NEK5: variants seen among roughly 807,000 people sequenced by gnomAD.
NEK5 encodes the protein NIMA related kinase 5, also known as serine/threonine-protein kinase Nek5.
Under a neutral mutation model 109.2 loss-of-function variants are expected in NEK5, and 88 were observed. The ratio of observed to expected loss-of-function variants is 0.81; its 90% confidence interval spans 0.68 to 0.96. The LOEUF is 0.96. Among genes scored for constraint, NEK5 ranks in the 40% least tolerant of loss-of-function variants. The probability of loss-of-function intolerance (pLI) is 0.00; values close to 1 mark genes in which losing one functional copy is unlikely to be tolerated. For missense variants in NEK5, 834 were observed against 920.7 expected (o/e 0.91, Z 1.22); for synonymous variants, 283 against 299.9 (o/e 0.94, Z 0.58).
In NEK5 at chr13:52,034,946, A is replaced by C. The variant is rs374818104; in HGVS notation, c.*2002T>G. The stretch of plus-strand genomic sequence containing the variant: ...TGGATGTTTGAGGTTATTAGGGATC[A>C]TGTTTCATTTCCCTTGCTTTCAAAT... On this transcript the variant is annotated 3_prime_UTR_variant, in exon 24 of 24. Coordinates refer to ENST00000684899, the MANE Select transcript of NEK5 (RefSeq NM_001365552.1). 48 of 135,062 alleles carry C rather than the reference A, an allele frequency of 3.6e-4. No individual in the cohort carries two copies. The highest frequency in any genetic ancestry group is 1.3e-3 in the African/African-American group (47 of 36,270). 8.4% of individuals were successfully genotyped at this position (135,062 alleles called of 1,614,324 possible). A position where few individuals can be genotyped will look rare whatever the true frequency, so the allele number is the denominator to read the frequency against.
chr13:52,110,645 A>G, intron 5 of NEK5, 68 bp from the exon 6 acceptor site: 1 of 854,186 alleles, frequency 1.2e-6, no homozygotes. Flanking sequence ...TCATGGTAAC[A>G]TGCAAAAAGA....
intron 9 of NEK5, among the ~76,000 whole-genome samples, chr13:52,102,922 C>T (rs1489794201): frequency 6.6e-6 from 1 of 152,152 alleles, no homozygotes; most frequent in Non-Finnish European, 1.5e-5. Flanking sequence ...TTTTACCACT[C>T]AGAGGTATAG....
At chr13:52,066,014 A>G (rs1593929794) in intron 20 of NEK5, among the ~76,000 whole-genome samples, 1 of 36,128 alleles carries the variant, frequency 2.8e-5, no homozygotes, top group Non-Finnish European at 1.4e-4. Context: ...TAGGTAGAAG[A>G]AAAAAAAAAA....
At chr13:52,069,500 C>T in intron 20 of NEK5, among the ~76,000 whole-genome samples, 1 of 152,196 alleles carries the variant, frequency 6.6e-6, no homozygotes, top group East Asian at 1.9e-4. Context: ...ATATCTTTAT[C>T]CCTGATATGC....
At position 52,105,244 on chromosome 13, in the gene NEK5, T is replaced by A. The variant is rs907927867; in HGVS notation, c.555-692A>T. On this transcript the variant is annotated intron_variant, in intron 8 of 23. Transcript: ENST00000684899. The stretch of plus-strand genomic sequence containing the variant: ...CAGCAATGCTTTGTGCATGAGTGTG[T>A]GTGTGTGTGTGTGTGTGTGTGTGTG... Among the ~76,000 whole-genome samples the A allele has an allele frequency of 3.1e-3, 401 of 129,936 alleles. 1 individual carries two copies. Among genetic ancestry groups the A allele is most frequent in the East Asian group, 0.016 (68 of 4,346 alleles). 85.2% of individuals were successfully genotyped at this position (129,936 alleles called of 152,430 possible). A position where few individuals can be genotyped will look rare whatever the true frequency, so the allele number is the denominator to read the frequency against.
intron 7 of NEK5, 51 bp downstream of exon 7, chr13:52,110,289 C>A: frequency 8.7e-7 from 1 of 1,146,210 alleles, no homozygotes; most frequent in South Asian, 1.3e-5. Context: ...TCTAAAAATA[C>A]ATATTTGGGC....
At chr13:52,084,754 AGAGAGAGAGTGT>A (rs1381912964) in intron 16 of NEK5, among the ~76,000 whole-genome samples, 42 of 51,534 alleles carry the variant, frequency 8.1e-4, no homozygotes, top group South Asian at 1.8e-3. Context: ...AGAGAGAGAG[AGAGAGAGAGTGT>A]GTGTGTGTGT....
chr13:52,116,555 G>T (rs1346459986), intron 4 of NEK5, among the ~76,000 whole-genome samples: 1 of 152,198 alleles, frequency 6.6e-6, no homozygotes, highest in Admixed American at 6.5e-5. Context: ...ATGAGCCACA[G>T]ATAACAGTCC....
chr13:52,071,878 C>T, intron 20 of NEK5, 66 bp downstream of exon 20: 1 of 1,438,636 alleles, frequency 7.0e-7, no homozygotes, highest in Non-Finnish European at 9.8e-7. Flanking sequence ...TGCATGGGGA[C>T]AGAGTTCAAA....
chr13:52,069,382 T>C (rs1315421206), intron 20 of NEK5, among the ~76,000 whole-genome samples: 1 of 152,202 alleles, frequency 6.6e-6, no homozygotes, highest in Admixed American at 6.5e-5. Flanking sequence ...TATATAGTGG[T>C]AGGGTTATGT....
intron 15 of NEK5, 146 bp downstream of exon 15, chr13:52,087,189 ATAC>A (rs1955164322): frequency 2.2e-6 from 1 of 451,712 alleles, no homozygotes; most frequent in Non-Finnish European, 4.0e-6. Flanking sequence ...AGAAAGTGAA[ATAC>A]CTAACTCTGT....
intron 8 of NEK5, among the ~76,000 whole-genome samples, chr13:52,107,408 T>A (rs993301053): frequency 1.3e-5 from 2 of 151,882 alleles, no homozygotes; most frequent in Admixed American, 1.3e-4. Context: ...CTGGACAACA[T>A]GGTGAAACTC....
At chr13:52,063,466 T>G (rs1268768312) in intron 21 of NEK5, among the ~76,000 whole-genome samples, 1 of 152,066 alleles carries the variant, frequency 6.6e-6, no homozygotes. Context: ...CCCAAAGTGC[T>G]GAGATTGCAG....
chr13:52,053,648 CAACCCAGA>C (rs1453533582), intron 22 of NEK5, among the ~76,000 whole-genome samples: 2 of 152,164 alleles, frequency 1.3e-5, no homozygotes, highest in Non-Finnish European at 2.9e-5. Context: ...AGCTAATTTA[CAACCCAGA>C]CAAGCCCGAG....
At chr13:52,067,820 T>C (rs1359755983) in intron 20 of NEK5, among the ~76,000 whole-genome samples, 3 of 151,890 alleles carry the variant, frequency 2.0e-5, no homozygotes, top group African/African-American at 7.3e-5. Context: ...GCCTCCCAAG[T>C]AGCTGAGATT....
chr13:52,108,350 C>A lies in NEK5; in HGVS notation c.522G>T (p.Glu174Asp). Residue 174 changes from glutamate to aspartate, a missense_variant, in exon 8 of 24, where the codon GAG (glutamate) becomes GAT (aspartate). Glu to Asp is a conservative substitution (Grantham distance 45, BLOSUM62 2). Around this residue, in one of 2 missense-constraint regions of NEK5, gnomAD observed 777 missense variants for 824.7 expected, o/e 0.94. Coordinates refer to ENST00000684899, the MANE Select transcript of NEK5 (RefSeq NM_001365552.1). ...CIGTPYYLSP[E>D]ICQNKPYNNK... ...TGTTGTAGGGTTTATTCTGACAGAT[C>A]TCTGGGGACAGGTAGTAAGGTGTTC... 1 of 1,611,850 alleles carries A rather than the reference C, an allele frequency of 6.2e-7. No individual in the cohort carries two copies. The highest frequency in any genetic ancestry group is 8.5e-7 in the Non-Finnish European group (1 of 1,178,468).
intron 12 of NEK5, among the ~76,000 whole-genome samples, chr13:52,096,692 A>G (rs1471303182): frequency 6.6e-6 from 1 of 152,220 alleles, no homozygotes; most frequent in Non-Finnish European, 1.5e-5. Flanking sequence ...GCTTATACTT[A>G]AAAGAGAAGC....
At chr13:52,056,429 G>C (rs569927629) in intron 22 of NEK5, among the ~76,000 whole-genome samples, 13 of 151,060 alleles carry the variant, frequency 8.6e-5, no homozygotes, top group African/African-American at 3.2e-4. Flanking sequence ...ATTGAACTCA[G>C]CTCTGCACCA....
At position 52,086,258 on chromosome 13, in the gene NEK5, C is replaced by G; in HGVS notation, c.1479+19G>C. ...TCTAAATCGATAGAACAATGTTTCC[C>G]CTAGAAGAATGAATTTACCTCTGGT... On this transcript the variant is annotated intron_variant, in intron 16 of 23. Transcript: ENST00000684899. 1 of 1,430,902 alleles carries G rather than the reference C, an allele frequency of 7.0e-7. No individual in the cohort carries two copies. The highest frequency in any genetic ancestry group is 1.1e-5 in the South Asian group (1 of 87,272). 88.6% of individuals were successfully genotyped at this position (1,430,902 alleles called of 1,614,324 possible).
Sources: allele counts gnomAD v4.1 joint callset (sites outside exome capture counted in the v4.1 genomes callset), GRCh38; gene constraint gnomAD v4.1.1; regional missense constraint gnomAD v4.1.1; transcripts MANE v1.5; gene names NCBI Gene and HGNC (gene_info 2026-07-23, HGNC 2026-07-21).